Variants in CXCL1 observed in about 807,000 individuals in gnomAD.
CXCL1 encodes the protein C-X-C motif chemokine ligand 1.
CXCL1 carries 9 observed loss-of-function variants against 11.7 expected under a neutral mutation model. The observed-to-expected ratio is 0.77, with a 90% confidence interval of 0.46 to 1.34. The LOEUF (loss-of-function observed/expected upper bound fraction) is 1.34, where lower values mean the gene tolerates loss of function less well. Among genes scored for constraint, CXCL1 ranks in the 40% most tolerant of loss-of-function variants. CXCL1 has a pLI of 0.00. For missense variants in CXCL1, 146 were observed against 138.1 expected (o/e 1.06, Z -0.29); for synonymous variants, 78 against 59.1 (o/e 1.32, Z -1.47).
In CXCL1 at chr4:73,869,432, C is replaced by G. The variant is rs895941777; in HGVS notation, c.-39C>G. On this transcript the variant is annotated 5_prime_UTR_variant, in exon 1 of 4. Transcript: ENST00000395761. ...GCAGGCACCTCCTCGCCAGCTCTTC[C>G]GCTCCTCTCACAGCCGCCAGACCCG... The G allele has an allele frequency of 1.9e-6, 3 of 1,538,844 alleles. No individual in the cohort carries two copies. Among genetic ancestry groups the G allele is most frequent in the African/African-American group, 1.4e-5 (1 of 72,960 alleles).
chr4:73,871,276 CT>C lies in CXCL1; in HGVS notation c.*743del. 2.0e-5 allele frequency: 3 copies of C among 152,220 alleles called. No homozygotes were observed. In the Middle Eastern group the frequency reaches 0.01, roughly 518 times the overall value. 9.4% of individuals were successfully genotyped at this position (152,220 alleles called of 1,614,324 possible). ...ATTTTTGGGGGGAAACAAGGGCTAC[CT>C]TTACTGGAAAATCTGGTGATTTATA... On this transcript the variant is annotated 3_prime_UTR_variant, in exon 4 of 4. Coordinates refer to ENST00000395761, the MANE Select transcript of CXCL1 (RefSeq NM_001511.4).
Position 73,870,007 on chromosome 4 carries a change from T to G in CXCL1, c.308+18T>G, listed in dbSNP as rs778955268. 1.2e-6 allele frequency: 2 copies of G among 1,612,722 alleles called. No homozygotes were observed. Among genetic ancestry groups the G allele is most frequent in the Admixed American group, 1.7e-5 (1 of 59,992 alleles). ...CTGAACAGGTGAGTTATGGTTTCCA[T>G]GTACACAGGCGACTGGAGCCGTTGG... On this transcript the variant is annotated intron_variant, in intron 3 of 3. Coordinates refer to ENST00000395761, the MANE Select transcript of CXCL1 (RefSeq NM_001511.4).
rs1020199401 is a variant in CXCL1, at chr4:73,871,127, G to A, written c.*591G>A. The A allele has an allele frequency of 5.2e-5, 8 of 152,654 alleles. No individual in the cohort carries two copies. The highest frequency in any genetic ancestry group is 1.2e-4 in the Non-Finnish European group (8 of 68,274). 9.5% of individuals were successfully genotyped at this position (152,654 alleles called of 1,614,324 possible). A position where few individuals can be genotyped will look rare whatever the true frequency, so the allele number is the denominator to read the frequency against. ...CCCTTGGACATTTTATGTCTTTCTT[G>A]TAAGGCATACTGCCTTGTTTAATGG... On this transcript the variant is annotated 3_prime_UTR_variant, in exon 4 of 4. Transcript: ENST00000395761.
Position 73,869,560 on chromosome 4 carries a change from G to A in CXCL1, c.90G>A (p.Arg30=). The part of the protein sequence containing the change: ...LLLLLLVAAG[R]RAAGASVATE... ...TCCTGCTCCTGGTAGCCGCTGGCCG[G>A]CGCGCAGCAGGTGGGTACCGGCGCC... Residue 30 remains arginine (R), a synonymous_variant, in exon 1 of 4, where the codon CGG becomes CGA. Coordinates refer to ENST00000395761, the MANE Select transcript of CXCL1 (RefSeq NM_001511.4). The A allele has an allele frequency of 1.9e-6, 3 of 1,610,376 alleles. No individual in the cohort carries two copies. The highest frequency in any genetic ancestry group is 2.5e-6 in the Non-Finnish European group (3 of 1,178,302).
chr4:73,870,786 C>A lies in CXCL1; in HGVS notation c.*250C>A. 2.6e-6 allele frequency: 1 copy of A among 380,890 alleles called. No individual in the cohort carries two copies. The highest frequency in any genetic ancestry group is 4.7e-6 in the Non-Finnish European group (1 of 212,860). 23.6% of individuals were successfully genotyped at this position (380,890 alleles called of 1,614,324 possible). On this transcript the variant is annotated 3_prime_UTR_variant, in exon 4 of 4. Transcript: ENST00000395761. ...TACCTGCACACTGTCCTATTATATT[C>A]ATTCTTTTTGAAATGTCAACCCCAA...
rs747160402 is a variant in CXCL1, at chr4:73,869,446, C to A, written c.-25C>A. 3.9e-6 allele frequency: 6 copies of A among 1,544,286 alleles called. No homozygotes were observed. The highest frequency in any genetic ancestry group is 5.2e-6 in the Non-Finnish European group (6 of 1,147,548). Reference sequence around the variant, plus strand: ...GCCAGCTCTTCCGCTCCTCTCACAGCCGCCAGACCCGCCTGCTGAGCCCCA... The same window carrying A: ...GCCAGCTCTTCCGCTCCTCTCACAGACGCCAGACCCGCCTGCTGAGCCCCA... On this transcript the variant is annotated 5_prime_UTR_variant, in exon 1 of 4. Transcript: ENST00000395761.
rs775277654 is a variant in CXCL1 at position 73,869,609 on chromosome 4, G to C, written c.100+39G>C. 14 of 1,613,144 alleles carry C rather than the reference G, an allele frequency of 8.7e-6. No homozygotes were observed. In the South Asian group the frequency reaches 9.9e-5, roughly 11 times the overall value. On this transcript the variant is annotated intron_variant, in intron 1 of 3. Transcript: ENST00000395761. The stretch of plus-strand genomic sequence containing the variant: ...CCCTGGGGTCCCCGGGCCGGACGCG[G>C]CTGGGGTAGGCACCCAGCGCCGACA...
At position 73,870,599 on chromosome 4, in the gene CXCL1, C is replaced by G. The variant is rs1170464802; in HGVS notation, c.*63C>G. 1 of 1,604,726 alleles carries G rather than the reference C, an allele frequency of 6.2e-7. No individual in the cohort carries two copies. The highest frequency in any genetic ancestry group is 1.1e-5 in the South Asian group (1 of 90,406). ...GAAGGAGGCCCTGCCCTTATAGGAACAGAAGAGGAAAGAGAGACACAGCTG... is the reference window on the plus strand; with the variant it reads ...GAAGGAGGCCCTGCCCTTATAGGAAGAGAAGAGGAAAGAGAGACACAGCTG... On this transcript the variant is annotated 3_prime_UTR_variant, in exon 4 of 4. Transcript: ENST00000395761.
Position 73,869,776 on chromosome 4 carries a change from G to A in CXCL1, c.208G>A (p.Ala70Thr). 1 of 1,613,866 alleles carries A rather than the reference G, an allele frequency of 6.2e-7. No individual in the cohort carries two copies. Among genetic ancestry groups the A allele is most frequent in the South Asian group, 1.1e-5 (1 of 91,072 alleles). ...CGTGAAGTCCCCCGGACCCCACTGC[G>A]CCCAAACCGAAGTCATGTAAGTCCC... ...VNVKSPGPHC[A>T]QTEVIATLKN... Residue 70 changes from alanine to threonine, a missense_variant, in exon 2 of 4, where the codon GCC becomes ACC. Physicochemically the swap from Ala to Thr is moderately conservative, Grantham distance 58. Coordinates refer to ENST00000395761, the MANE Select transcript of CXCL1 (RefSeq NM_001511.4).
At chr4:73,870,179 C>A in intron 3 of CXCL1, 190 bp downstream of exon 3, 3 of 669,768 alleles carry the variant, frequency 4.5e-6, no homozygotes, top group Non-Finnish European at 7.6e-6. Flanking sequence ...ATTCCCAATG[C>A]CTGGCGTCCC....
Position 73,869,434 on chromosome 4 carries a change from C to T in CXCL1, c.-37C>T. The T allele has an allele frequency of 7.1e-6, 11 of 1,540,262 alleles. No homozygotes were observed. Among genetic ancestry groups the T allele is most frequent in the Non-Finnish European group, 8.7e-6 (10 of 1,145,774 alleles). On this transcript the variant is annotated 5_prime_UTR_variant, in exon 1 of 4. Coordinates refer to ENST00000395761, the MANE Select transcript of CXCL1 (RefSeq NM_001511.4). ...AGGCACCTCCTCGCCAGCTCTTCCG[C>T]TCCTCTCACAGCCGCCAGACCCGCC...
In CXCL1 at chr4:73,870,715, T is replaced by C; in HGVS notation, c.*179T>C. On this transcript the variant is annotated 3_prime_UTR_variant, in exon 4 of 4. Coordinates refer to ENST00000395761, the MANE Select transcript of CXCL1 (RefSeq NM_001511.4). ...ATTTATTCATTAGTTTTGAAGATTC[T>C]ATGTTAATATTTTAGGTGTAAAATA... 1.5e-6 allele frequency: 1 copy of C among 660,776 alleles called. No individual in the cohort carries two copies. The allele number at this position is 660,776 out of a possible 1,614,324, so 40.9% of individuals were successfully genotyped here. A position where few individuals can be genotyped will look rare whatever the true frequency, so the allele number is the denominator to read the frequency against.
chr4:73,869,461 G>T lies in CXCL1; in HGVS notation c.-10G>T. The T allele has an allele frequency of 3.9e-6, 6 of 1,552,518 alleles. No homozygotes were observed. Among genetic ancestry groups the T allele is most frequent in the Middle Eastern group, 1.7e-4 (1 of 5,744 alleles). On this transcript the variant is annotated 5_prime_UTR_variant, in exon 1 of 4. Transcript: ENST00000395761. ...CCTCTCACAGCCGCCAGACCCGCCT[G>T]CTGAGCCCCATGGCCCGCGCTGCTC...
intron 3 of CXCL1, 135 bp from the exon 4 acceptor site, chr4:73,870,386 A>G (rs922401114): frequency 5.1e-6 from 5 of 984,502 alleles, no homozygotes; most frequent in Non-Finnish European, 6.0e-6. Flanking sequence ...TGTCATAGGC[A>G]GTAGCCACTT....
chr4:73,870,429 A>T, intron 3 of CXCL1, 92 bp from the exon 4 acceptor site: 1 of 1,542,252 alleles, frequency 6.5e-7, no homozygotes, highest in Middle Eastern at 1.7e-4. Flanking sequence ...CATTCGGAAA[A>T]CTCTAGAGGC....
rs957312289 is a variant in CXCL1 at position 73,871,092 on chromosome 4, T to A, written c.*556T>A. On this transcript the variant is annotated 3_prime_UTR_variant, in exon 4 of 4. Transcript: ENST00000395761. Reference sequence around the variant, plus strand: ...TGTTGAAACTTTAAGAACTAAAATGTTCTAAATATCCCTTGGACATTTTAT... The same window carrying A: ...TGTTGAAACTTTAAGAACTAAAATGATCTAAATATCCCTTGGACATTTTAT... 1 of 153,378 alleles carries A rather than the reference T, an allele frequency of 6.5e-6. No individual in the cohort carries two copies. The highest frequency in any genetic ancestry group is 2.4e-5 in the African/African-American group (1 of 41,470). 9.5% of individuals were successfully genotyped at this position (153,378 alleles called of 1,614,324 possible).
Position 73,870,546 on chromosome 4 carries a change from A to AG in CXCL1, c.*12dup. On this transcript the variant is annotated 3_prime_UTR_variant, in exon 4 of 4. Transcript: ENST00000395761. Reference sequence around the variant, plus strand: ...TGACAAATCCAACTGACCAGAAGGGAGGAGGAAGCTCACTGGTGGCTGTTC... The same window carrying AG: ...TGACAAATCCAACTGACCAGAAGGGAGGGAGGAAGCTCACTGGTGGCTGTTC... 2 of 1,613,848 alleles carry AG rather than the reference A, an allele frequency of 1.2e-6. No individual in the cohort carries two copies. Among genetic ancestry groups the AG allele is most frequent in the Non-Finnish European group, 1.7e-6 (2 of 1,179,828 alleles).
chr4:73,870,010 A>G (rs748264294), intron 3 of CXCL1, 21 bp downstream of exon 3: 1 of 1,611,686 alleles, frequency 6.2e-7, no homozygotes, highest in Non-Finnish European at 8.5e-7. Context: ...GTTTCCATGT[A>G]CACAGGCGAC....
Position 73,869,738 on chromosome 4 carries a change from T to C in CXCL1, c.170T>C (p.Ile57Thr), listed in dbSNP as rs201545979. Residue 57 changes from isoleucine (I) to threonine (T), a missense_variant, in exon 2 of 4, where the codon ATC becomes ACC. Ile to Thr is a moderately conservative substitution (Grantham distance 89). Coordinates refer to ENST00000395761, the MANE Select transcript of CXCL1 (RefSeq NM_001511.4). ...CTGCAGGGAATTCACCCCAAGAACATCCAAAGTGTGAACGTGAAGTCCCCC... is the reference window on the plus strand; with the variant it reads ...CTGCAGGGAATTCACCCCAAGAACACCCAAAGTGTGAACGTGAAGTCCCCC... ...QTLQGIHPKNIQSVNVKSPGP... is the reference protein window; with the variant it reads ...QTLQGIHPKNTQSVNVKSPGP... 49 of 1,613,744 alleles carry C rather than the reference T, an allele frequency of 3.0e-5. No homozygotes were observed. The highest frequency in any genetic ancestry group is 3.8e-5 in the Non-Finnish European group (45 of 1,179,956).
Sources: gnomAD v4.1 joint callset for allele counts on GRCh38, gnomAD v4.1.1 for gene constraint, MANE v1.5 for transcripts, NCBI Gene and HGNC (gene_info 2026-07-23, HGNC 2026-07-21) for gene names.